The following PANK1 variants were observed in gnomAD, a reference collection of about 807,000 sequenced individuals.
PANK1 encodes pantothenic acid kinase 1.
PANK1 carries 18 observed loss-of-function variants against 40.1 expected under a neutral mutation model. That is an observed-to-expected ratio of 0.45 (90% CI 0.31 to 0.67). The LOEUF (loss-of-function observed/expected upper bound fraction) is 0.67. Among genes scored for constraint, PANK1 ranks in the 30% least tolerant of loss-of-function variants. PANK1 has a pLI of 0.06. For synonymous variants in PANK1, 242 were observed against 237.7 expected (o/e 1.02, Z -0.17); for missense variants, 457 against 599.6 (o/e 0.76, Z 2.48).
At position 89,644,916 on chromosome 10, in the gene PANK1, C is replaced by T. The variant is rs759690297; in HGVS notation, c.-25G>A. The T allele has an allele frequency of 4.5e-6, 7 of 1,539,538 alleles. No homozygotes were observed. The highest frequency in any genetic ancestry group is 3.6e-5 in the South Asian group (3 of 82,890). On this transcript the variant is annotated 5_prime_UTR_variant, in exon 1 of 7. Transcript: ENST00000307534. ...TGCCGGGGGCTGGCGGGGCTGTGCG[C>T]GGGCCCCGGCTCAGGCGGCCTCGCT... is the stretch of plus-strand genomic sequence containing the variant.
At chr10:89,640,878 T>C (rs1841948711) in intron 1 of PANK1, among the ~76,000 whole-genome samples, 1 of 152,230 alleles carries the variant, frequency 6.6e-6, no homozygotes. Context: ...AAATAAAATA[T>C]GCTTTGTATT....
intron 1 of PANK1, among the ~76,000 whole-genome samples, chr10:89,613,797 C>G (rs1474983656): frequency 6.6e-6 from 1 of 152,184 alleles, no homozygotes; most frequent in Non-Finnish European, 1.5e-5. Context: ...TTGGTTTATT[C>G]TCTAAAACTC....
intron 1 of PANK1, chr10:89,639,143 G>T: frequency 2.4e-6 from 1 of 423,016 alleles, no homozygotes; most frequent in Non-Finnish European, 4.8e-6. Flanking sequence ...AATTTATTTG[G>T]CTTACAGTTC....
At chr10:89,612,200 G>C in intron 1 of PANK1, 152 bp from the exon 2 acceptor site, 1 of 702,772 alleles carries the variant, frequency 1.4e-6, no homozygotes, top group South Asian at 1.9e-5. Flanking sequence ...TGCCTAAAAG[G>C]TGGCACAGAC....
chr10:89,580,322 A>G (rs1342622502), downstream of PANK1: 3 of 152,216 alleles, frequency 2.0e-5, no homozygotes, highest in African/African-American at 4.8e-5. Context: ...TTGCTTTACC[A>G]CTTTGAAACC....
chr10:89,628,401 C>T (rs1009023928), intron 1 of PANK1, among the ~76,000 whole-genome samples: 10 of 149,712 alleles, frequency 6.7e-5, no homozygotes, highest in African/African-American at 2.5e-4. Context: ...CCTGAAAACA[C>T]TATGCTAAGT....
At chr10:89,625,484 A>T (rs981139333) in intron 1 of PANK1, among the ~76,000 whole-genome samples, 2 of 152,198 alleles carry the variant, frequency 1.3e-5, no homozygotes, top group South Asian at 2.1e-4. Flanking sequence ...AACATTCCAC[A>T]TATAATTAAA....
At chr10:89,638,057 G>A (rs1841873336) in intron 1 of PANK1, among the ~76,000 whole-genome samples, 1 of 152,080 alleles carries the variant, frequency 6.6e-6, no homozygotes, top group Non-Finnish European at 1.5e-5. Context: ...TGTCCCACTA[G>A]AAGGTATTAT....
At chr10:89,636,728 G>A (rs894667199) in intron 1 of PANK1, among the ~76,000 whole-genome samples, 18 of 151,776 alleles carry the variant, frequency 1.2e-4, no homozygotes, top group Middle Eastern at 3.4e-3. Flanking sequence ...TGGGATTACA[G>A]GCATGAGCCA....
rs954881760 is a variant in PANK1 at position 89,583,083 on chromosome 10, T to G, written c.*1323A>C. 10 of 152,158 alleles carry G rather than the reference T, an allele frequency of 6.6e-5. No homozygotes were observed. Among genetic ancestry groups the G allele is most frequent in the Non-Finnish European group, 1.3e-4 (9 of 68,002 alleles). 9.4% of individuals were successfully genotyped at this position (152,158 alleles called of 1,614,324 possible). A position where few individuals can be genotyped will look rare whatever the true frequency, so the allele number is the denominator to read the frequency against. On this transcript the variant is annotated 3_prime_UTR_variant, in exon 7 of 7. Transcript: ENST00000307534. ...TTGAAGATATGGAAATTAAAGACGG[T>G]GCTCAGAAGGCAGAGAAAGGAAGAT...
chr10:89,645,137 C>T lies in PANK1; in HGVS notation c.-246G>A, dbSNP rs914206318. On this transcript the variant is annotated 5_prime_UTR_variant, in exon 1 of 7. Coordinates refer to ENST00000307534, the MANE Select transcript of PANK1 (RefSeq NM_148977.3). ...GCCTGGAGCACGCCAGCCCCGGGCG[C>T]GGAATCGGGGATCCCCGCGCACCCC... The T allele has an allele frequency of 1.3e-6, 2 of 1,509,580 alleles. No individual in the cohort carries two copies. The highest frequency in any genetic ancestry group is 2.9e-5 in the East Asian group (1 of 35,044). 93.5% of individuals were successfully genotyped at this position (1,509,580 alleles called of 1,614,324 possible). A position where few individuals can be genotyped will look rare whatever the true frequency, so the allele number is the denominator to read the frequency against.
Position 89,608,570 on chromosome 10 carries a change from T to A in PANK1, c.645+3126A>T, listed in dbSNP as rs982124829. The stretch of plus-strand genomic sequence containing the variant: ...TCAAGTACATATACTATATATTTTT[T>A]AAAAATACTATTCAAATATAACAAG... On this transcript the variant is annotated intron_variant, in intron 2 of 6. Coordinates refer to ENST00000307534, the MANE Select transcript of PANK1 (RefSeq NM_148977.3). Among the ~76,000 whole-genome samples the A allele has an allele frequency of 3.3e-5, 5 of 152,216 alleles. No individual in the cohort carries two copies. The South Asian group carries it at 6.2e-4, about 19-fold the overall frequency.
At chr10:89,622,836 CAA>C (rs1180007796) in intron 1 of PANK1, among the ~76,000 whole-genome samples, 1 of 105,502 alleles carries the variant, frequency 9.5e-6, no homozygotes. Flanking sequence ...GACTCCATTC[CAA>C]AAAAAAAAAA....
At chr10:89,626,338 T>C (rs1845661915) in intron 1 of PANK1, 1 of 148,376 alleles carries the variant, frequency 6.7e-6, no homozygotes. Context: ...GGAGTCTTGC[T>C]CTGTCGCCCA....
Position 89,601,309 on chromosome 10 carries a change from T to TA in PANK1, c.646-1805dup, listed in dbSNP as rs11317815. Among the ~76,000 whole-genome samples, 160 of 52,658 alleles carry TA rather than the reference T, an allele frequency of 3.0e-3. 6 individuals carry two copies. The highest frequency in any genetic ancestry group is 8.6e-3 in the East Asian group (13 of 1,516). The allele number at this position is 52,658 out of a possible 152,430, so 34.5% of individuals were successfully genotyped here. On this transcript the variant is annotated intron_variant, in intron 2 of 6. Transcript: ENST00000307534. ...GGGCAATATACGGAGACCCATCTCT[T>TA]AAAAAAAAAAAAAAAAAAAAAAAAA... is the stretch of plus-strand genomic sequence containing the variant.
intron 1 of PANK1, among the ~76,000 whole-genome samples, chr10:89,642,365 C>T (rs1841993864): frequency 6.6e-6 from 1 of 152,208 alleles, no homozygotes; most frequent in Non-Finnish European, 1.5e-5. Flanking sequence ...CAAGTGTTAA[C>T]ACTGGCTATC....
intron 1 of PANK1, among the ~76,000 whole-genome samples, chr10:89,634,146 G>A (rs946668105): frequency 6.6e-6 from 1 of 152,190 alleles, no homozygotes; most frequent in African/African-American, 2.4e-5. Context: ...CACCACCACA[G>A]TAATAATAGC....
chr10:89,604,926 AT>A lies in PANK1; in HGVS notation c.646-5422del, dbSNP rs1467414622. On this transcript the variant is annotated intron_variant, in intron 2 of 6. Transcript: ENST00000307534. Reference sequence around the variant, plus strand: ...CCACCACACCTGGCTATTTTTTTGTATTTTTTAGTAGAGACGGGGTTTCACC... The same window carrying A: ...CCACCACACCTGGCTATTTTTTTGTATTTTTAGTAGAGACGGGGTTTCACC... Among the ~76,000 whole-genome samples, 16 of 151,222 alleles carry A rather than the reference AT, an allele frequency of 1.1e-4. No individual in the cohort carries two copies. In the East Asian group the frequency reaches 1.8e-3, roughly 17 times the overall value.
intron 1 of PANK1, among the ~76,000 whole-genome samples, chr10:89,617,664 C>T (rs1845360745): frequency 6.6e-6 from 1 of 152,152 alleles, no homozygotes; most frequent in Non-Finnish European, 1.5e-5. Flanking sequence ...TTGGTTAAAT[C>T]TTTCAATTAG....
Sources: gnomAD v4.1 joint callset for allele counts (sites outside exome capture counted in the v4.1 genomes callset) on GRCh38, gnomAD v4.1.1 for gene constraint, MANE v1.5 for transcripts, NCBI Gene and HGNC (gene_info 2026-07-23, HGNC 2026-07-21) for gene names.